The following RAB33A variants were observed in gnomAD, a reference collection of about 807,000 sequenced individuals.
RAB33A encodes ras-related protein Rab-33A.
RAB33A carries 6 observed loss-of-function variants against 12.0 expected under a neutral mutation model. The ratio of observed to expected loss-of-function variants is 0.50; its 90% CI spans 0.27 to 0.99. The LOEUF (loss-of-function observed/expected upper bound fraction) is 0.99, where lower values mean the gene tolerates loss of function less well. Ranked by LOEUF, RAB33A falls within the 50% of genes least tolerant of loss-of-function variation. The pLI is 0.11. For synonymous variants in RAB33A, 70 were observed against 82.4 expected (o/e 0.85, Z 0.81); for missense variants, 109 against 192.0 (o/e 0.57, Z 2.55).
the RAB33A span, among the ~76,000 whole-genome samples, chrX:130,124,898 C>G: frequency 7.2e-5 from 8 of 111,814 alleles, no homozygotes; most frequent in African/African-American, 2.0e-4. Flanking sequence ...AAGAGGAAGG[C>G]AGACAAGAGC....
the RAB33A span, among the ~76,000 whole-genome samples, chrX:130,124,463 C>T: frequency 2.7e-5 from 3 of 111,960 alleles, no homozygotes; most frequent in Non-Finnish European, 5.6e-5. Context: ...TACCTCTGTC[C>T]CCCAACACAA....
the RAB33A span, among the ~76,000 whole-genome samples, chrX:130,125,238 C>G: frequency 9.0e-6 from 1 of 111,564 alleles, no homozygotes. Flanking sequence ...AGCAAATGTT[C>G]ATTTTGAGAG....
At chrX:130,121,746 C>T in the RAB33A span, among the ~76,000 whole-genome samples, 6 of 112,583 alleles carry the variant, frequency 5.3e-5, no homozygotes, top group Non-Finnish European at 1.1e-4. Flanking sequence ...CAAGATTGGG[C>T]AAAGCTCTCA....
the RAB33A span, chrX:130,136,687 C>T: frequency 2.5e-6 from 3 of 1,211,010 alleles, no homozygotes; most frequent in East Asian, 3.0e-5. Context: ...CCACTGCTGA[C>T]TCCAACGGAT....
chrX:130,114,424 G>A, the RAB33A span, among the ~76,000 whole-genome samples: 180 of 111,684 alleles, frequency 1.6e-3, 1 homozygote, highest in Non-Finnish European at 2.1e-3. Context: ...TTCCCCACAC[G>A]GCTCGCCGCT....
the RAB33A span, among the ~76,000 whole-genome samples, chrX:130,128,585 A>C: frequency 2.7e-5 from 3 of 112,325 alleles, no homozygotes; most frequent in South Asian, 1.1e-3. Flanking sequence ...AATAATAATA[A>C]TAAGATTTGA....
chrX:130,150,816 A>C, the RAB33A span, among the ~76,000 whole-genome samples: 1 of 102,995 alleles, frequency 9.7e-6, no homozygotes, highest in African/African-American at 3.5e-5. Context: ...CTCTACTAAA[A>C]ATACAAAAAT....
chrX:130,158,036 G>T, the RAB33A span, among the ~76,000 whole-genome samples: 1 of 110,815 alleles, frequency 9.0e-6, no homozygotes, highest in Non-Finnish European at 1.9e-5. Context: ...GCCGAGGAGG[G>T]TGAATCACCT....
At chrX:130,157,641 T>C in the RAB33A span, among the ~76,000 whole-genome samples, 4 of 112,184 alleles carry the variant, frequency 3.6e-5, no homozygotes, top group African/African-American at 1.3e-4. Context: ...ATAATTTTCA[T>C]GTGTCACGAA....
At chrX:130,129,539 C>T in the RAB33A span, 12 of 1,207,157 alleles carry the variant, frequency 9.9e-6, no homozygotes, top group South Asian at 1.4e-4. Flanking sequence ...GTGGGTTTGC[C>T]AATTCCACTG....
At chrX:130,129,465 C>T in the RAB33A span, 1 of 720,496 alleles carries the variant, frequency 1.4e-6, no homozygotes, top group Non-Finnish European at 2.2e-6. Context: ...CACTCATACA[C>T]AGAGAAAGTC....
chrX:130,133,529 T>C, the RAB33A span: 4 of 1,143,555 alleles, frequency 3.5e-6, no homozygotes, highest in Admixed American at 4.5e-5. Context: ...ATATAAACTT[T>C]GGGGGCTCAA....
chrX:130,139,863 G>A, the RAB33A span: 1 of 1,209,083 alleles, frequency 8.3e-7, no homozygotes, highest in Non-Finnish European at 1.1e-6. Context: ...AGACTTCTTG[G>A]AGTACCTCCT....
chrX:130,156,615 AATTT>A, the RAB33A span: 1 of 1,208,268 alleles, frequency 8.3e-7, no homozygotes. Flanking sequence ...TAAGAAACAT[AATTT>A]ATTAAGACAC....
upstream of RAB33A, among the ~76,000 whole-genome samples, chrX:130,170,937 T>TC (rs1379134732): frequency 4.5e-5 from 5 of 111,802 alleles, no homozygotes; most frequent in South Asian, 3.7e-4. Flanking sequence ...ACCACTAGCT[T>TC]CCCCCCCTTC....
chrX:130,133,861 G>C, the RAB33A span, among the ~76,000 whole-genome samples: 6 of 108,709 alleles, frequency 5.5e-5, no homozygotes, highest in Admixed American at 9.8e-5. Context: ...TGAACTCCTG[G>C]GCTCAAGCAA....
rs1569425682 is a variant in RAB33A, at chrX:130,171,995, C to G, written c.-68C>G. 1 of 1,093,058 alleles carries G rather than the reference C, an allele frequency of 9.1e-7. No homozygotes were observed. Among genetic ancestry groups the G allele is most frequent in the Non-Finnish European group, 1.2e-6 (1 of 831,532 alleles). 90.1% of individuals were successfully genotyped at this position (1,093,058 alleles called of 1,213,427 possible). ...ACAGAGCTCGCTCGCCTCGAGCGCA[C>G]GAACGTGGACGTTCTCTTTGTGTGG... On this transcript the variant is annotated 5_prime_UTR_variant, in exon 1 of 2. Transcript: ENST00000257017.
upstream of RAB33A, among the ~76,000 whole-genome samples, chrX:130,170,573 A>G (rs1318978368): frequency 1.8e-5 from 2 of 113,012 alleles, no homozygotes; most frequent in Non-Finnish European, 3.7e-5. Context: ...GAATGACTTT[A>G]GGGAGAAGGA....
the RAB33A span, among the ~76,000 whole-genome samples, chrX:130,150,326 CTTTTTT>C: frequency 1.6e-5 from 1 of 61,648 alleles, no homozygotes; most frequent in Non-Finnish European, 3.1e-5. Context: ...TTATTGGAGA[CTTTTTT>C]TTTTTTTTTT....
Sources: allele counts gnomAD v4.1 joint callset (sites outside exome capture counted in the v4.1 genomes callset), GRCh38; gene constraint gnomAD v4.1.1; transcripts MANE v1.5; gene names NCBI Gene and HGNC (gene_info 2026-07-23, HGNC 2026-07-21).